ZNF343: variants seen among roughly 807,000 people sequenced by gnomAD.
ZNF343 encodes the protein zinc finger protein 343.
In ZNF343, 11 loss-of-function variants were observed where a neutral mutation model predicts 13.8. That is an observed-to-expected ratio of 0.80 (90% CI 0.50 to 1.32). ZNF343 has a LOEUF of 1.32. ZNF343 is among the 40% of genes most tolerant of loss of function. ZNF343 has a pLI of 0.00. For synonymous variants in ZNF343, 248 were observed against 260.0 expected, an observed-to-expected ratio of 0.95 and a Z score of 0.44; for missense variants, 658 against 714.2, an observed-to-expected ratio of 0.92 and a Z score of 0.90.
intron 1 of ZNF343, among the ~76,000 whole-genome samples, chr20:2,501,303 C>A (rs1188381374): frequency 6.6e-6 from 1 of 152,162 alleles, no homozygotes; most frequent in Admixed American, 6.5e-5. Flanking sequence ...GTAAACAAAG[C>A]GTCCAGGAAG....
chr20:2,502,467 C>T (rs2085585306), intron 1 of ZNF343, among the ~76,000 whole-genome samples: 1 of 152,110 alleles, frequency 6.6e-6, no homozygotes, highest in African/African-American at 2.4e-5. Context: ...GAGAACGCCA[C>T]AAAGATACTC....
At chr20:2,487,121 G>A (rs868691163) in intron 5 of ZNF343, among the ~76,000 whole-genome samples, 18 of 152,266 alleles carry the variant, frequency 1.2e-4, no homozygotes, top group Non-Finnish European at 1.9e-4. Flanking sequence ...CTCTGTTAAC[G>A]GGGTTGTTTT....
At chr20:2,492,892 C>G (rs894924799) in intron 4 of ZNF343, 67 bp from the exon 5 acceptor site, 2 of 1,594,892 alleles carry the variant, frequency 1.3e-6, no homozygotes, top group East Asian at 4.5e-5. Flanking sequence ...TGGAGCACAG[C>G]TGGTGACCCT....
Position 2,499,464 on chromosome 20 carries a change from CAAAAAAAAAAA to C in ZNF343, c.-150+1181_-150+1191del, listed in dbSNP as rs35155995. On this transcript the variant is annotated intron_variant, in intron 2 of 5. Transcript: ENST00000278772. ...TGGGCGACAGAGCGAGACTCCGTCTCAAAAAAAAAAAAAAAAAAAAAAAAAAAGAAAAAGAA... is the reference window on the plus strand; with the variant it reads ...TGGGCGACAGAGCGAGACTCCGTCTCAAAAAAAAAAAAAAAAGAAAAAGAA... Among the ~76,000 whole-genome samples, 579 of 66,486 alleles carry C rather than the reference CAAAAAAAAAAA, an allele frequency of 8.7e-3. 4 individuals carry two copies. The highest frequency in any genetic ancestry group is 0.013 in the Non-Finnish European group (494 of 37,284). 43.6% of individuals were successfully genotyped at this position (66,486 alleles called of 152,430 possible). A position where few individuals can be genotyped will look rare whatever the true frequency, so the allele number is the denominator to read the frequency against.
intron 1 of ZNF343, among the ~76,000 whole-genome samples, chr20:2,516,044 T>G (rs2085757771): frequency 6.6e-6 from 1 of 151,684 alleles, no homozygotes; most frequent in African/African-American, 2.4e-5. Flanking sequence ...AGAGTGATGG[T>G]CAGATTGAGG....
chr20:2,494,178 T>C, intron 2 of ZNF343, 134 bp from the exon 3 acceptor site: 1 of 331,802 alleles, frequency 3.0e-6, no homozygotes, highest in Non-Finnish European at 5.5e-6. Flanking sequence ...CTACATGGGA[T>C]CCCTGGATTT....
At chr20:2,501,627 G>A (rs371558425) in intron 1 of ZNF343, among the ~76,000 whole-genome samples, 9 of 152,188 alleles carry the variant, frequency 5.9e-5, no homozygotes, top group East Asian at 1.9e-4. Context: ...CCAGAGGAAC[G>A]ATCAGGCAGC....
rs1342398255 is a variant in ZNF343 at position 2,508,439 on chromosome 20, C to T, written c.-237+442G>A. ...CTCAAGACGCTCCCCAGCCAAAAACCACCCAGGGATGTGCGGACCTAGCCA... is the reference window on the plus strand; with the variant it reads ...CTCAAGACGCTCCCCAGCCAAAAACTACCCAGGGATGTGCGGACCTAGCCA... On this transcript the variant is annotated intron_variant, in intron 1 of 5. Transcript: ENST00000278772. This position sits in a 1 kb window ranked among gnomAD's most constrained non-coding sequence, Gnocchi z 4.5. Among the ~76,000 whole-genome samples the T allele has an allele frequency of 6.6e-6, 1 of 152,130 alleles. No individual in the cohort carries two copies. The highest frequency in any genetic ancestry group is 1.5e-5 in the Non-Finnish European group (1 of 68,012).
chr20:2,522,492 T>C (rs2085786873), intron 1 of ZNF343, among the ~76,000 whole-genome samples: 1 of 152,242 alleles, frequency 6.6e-6, no homozygotes. Flanking sequence ...AAAGATTACT[T>C]AGTTGGAGAT....
chr20:2,505,944 G>T (rs1221766163), intron 1 of ZNF343, among the ~76,000 whole-genome samples: 1 of 152,126 alleles, frequency 6.6e-6, no homozygotes, highest in African/African-American at 2.4e-5. Flanking sequence ...TGACAAACGG[G>T]ATCTAATTAA....
chr20:2,506,251 T>C (rs2085654116), intron 1 of ZNF343, among the ~76,000 whole-genome samples: 1 of 152,150 alleles, frequency 6.6e-6, no homozygotes, highest in Admixed American at 6.5e-5. Flanking sequence ...TGAGATACCA[T>C]CTCACACCAG....
At chr20:2,510,754 C>G (rs118045972), upstream of ZNF343, among the ~76,000 whole-genome samples, 1 of 152,296 alleles carries the variant, frequency 6.6e-6, no homozygotes, top group East Asian at 1.9e-4. Flanking sequence ...ACGAGTATTG[C>G]AAGGGAAGAA....
At chr20:2,522,198 T>A (rs1343375004) in intron 1 of ZNF343, among the ~76,000 whole-genome samples, 1 of 152,210 alleles carries the variant, frequency 6.6e-6, no homozygotes, top group Non-Finnish European at 1.5e-5. Flanking sequence ...CTAAAATGCT[T>A]AGTACTGACT....
chr20:2,485,568 A>G (rs2085269436), intron 5 of ZNF343, among the ~76,000 whole-genome samples: 1 of 152,214 alleles, frequency 6.6e-6, no homozygotes. Context: ...CTAGTTTTCA[A>G]ACCTTAATTA....
intron 5 of ZNF343, among the ~76,000 whole-genome samples, chr20:2,488,744 C>G (rs941058322): frequency 1.3e-5 from 2 of 152,222 alleles, no homozygotes; most frequent in Admixed American, 6.5e-5. Context: ...TGATTTTAAT[C>G]TATAAAAATA....
intron 1 of ZNF343, among the ~76,000 whole-genome samples, chr20:2,504,769 T>C (rs2085627107): frequency 6.6e-6 from 1 of 152,150 alleles, no homozygotes; most frequent in Non-Finnish European, 1.5e-5. Context: ...TGCTAAAAAC[T>C]CTCAATAAAT....
chr20:2,517,210 A>G (rs1386906959), intron 1 of ZNF343, among the ~76,000 whole-genome samples: 3 of 152,204 alleles, frequency 2.0e-5, no homozygotes, highest in African/African-American at 2.4e-5. Flanking sequence ...CTCAGAATCT[A>G]TCATTCTTCC....
upstream of ZNF343, among the ~76,000 whole-genome samples, chr20:2,510,563 G>A (rs6036759): frequency 0.49 from 74,281 of 152,010 alleles, 19,088 homozygotes; most frequent in African/African-American, 0.65. Flanking sequence ...CCCCAAGGCC[G>A]TTGTGAGCCA....
In ZNF343 at chr20:2,514,860, G is replaced by A. The variant is rs148422818; in HGVS notation, c.-347+9595C>T. Among the ~76,000 whole-genome samples, 6 of 152,128 alleles carry A rather than the reference G, an allele frequency of 3.9e-5. 1 individual carries two copies. The highest frequency in any genetic ancestry group is 9.6e-5 in the African/African-American group (4 of 41,486). On this transcript the variant is annotated intron_variant, in intron 1 of 6. Coordinates refer to the ZNF343 transcript ENST00000358413. ...AAAATTTAGCCAAATTTGGTGGCAT[G>A]CACCCATAGTCCCAGCTACTCAAGA...
Sources: gnomAD v4.1 joint callset for allele counts (sites outside exome capture counted in the v4.1 genomes callset) on GRCh38, gnomAD v4.1.1 for gene constraint, Gnocchi (gnomAD v3.1) non-coding constraint, MANE v1.5 for transcripts, NCBI Gene and HGNC (gene_info 2026-07-23, HGNC 2026-07-21) for gene names.